ARFGEF3: variants seen among roughly 807,000 people sequenced by gnomAD.
ARFGEF3 encodes the protein ARFGEF family member 3.
ARFGEF3 carries 96 observed loss-of-function variants against 221.7 expected under a neutral mutation model. The ratio of observed to expected loss-of-function variants is 0.43; its 90% CI spans 0.37 to 0.51. The LOEUF is 0.51. ARFGEF3 is among the 20% of genes least tolerant of loss of function. ARFGEF3 has a pLI of 0.00. For missense variants in ARFGEF3, 2,410 were observed against 2,789.9 expected (o/e 0.86, Z 3.07); for synonymous variants, 1,145 against 1,126.8 (o/e 1.02, Z -0.32).
At chr6:138,272,119 A>G (rs951462799) in intron 12 of ARFGEF3, among the ~76,000 whole-genome samples, 2 of 147,240 alleles carry the variant, frequency 1.4e-5, no homozygotes, top group African/African-American at 5.2e-5. Flanking sequence ...TCAGGCAGAG[A>G]TTTATAGCAT....
rs2114452501 is a variant in ARFGEF3 at position 138,183,467 on chromosome 6, T to C, written c.137+12754T>C. Among the ~76,000 whole-genome samples, 3 of 152,282 alleles carry C rather than the reference T, an allele frequency of 2.0e-5. No homozygotes were observed. The South Asian group carries it at 6.2e-4, about 32-fold the overall frequency. ...GCTTGAGATGATTGCCTCGCTGTGT[T>C]CAGTTCTACATGTTAACGTCTGTAT... On this transcript the variant is annotated intron_variant, in intron 2 of 33. Coordinates refer to ENST00000251691, the MANE Select transcript of ARFGEF3 (RefSeq NM_020340.5).
At chr6:138,329,350 A>G (rs1462935548) in intron 32 of ARFGEF3, among the ~76,000 whole-genome samples, 1 of 152,134 alleles carries the variant, frequency 6.6e-6, no homozygotes, top group Non-Finnish European at 1.5e-5. Context: ...ACACAACTGC[A>G]AAGAGGTGGA....
At chr6:138,278,324 TG>T in intron 12 of ARFGEF3, 126 bp from the exon 13 acceptor site, 1 of 858,546 alleles carries the variant, frequency 1.2e-6, no homozygotes, top group East Asian at 2.5e-5. Context: ...CCTGGCTAGC[TG>T]TCAGTGCTAT....
chr6:138,331,872 T>C (rs972015841), intron 32 of ARFGEF3, among the ~76,000 whole-genome samples: 7 of 152,224 alleles, frequency 4.6e-5, no homozygotes, highest in African/African-American at 1.4e-4. Context: ...GAAACTTTGA[T>C]CTCTTCAGTA....
intron 26 of ARFGEF3, among the ~76,000 whole-genome samples, chr6:138,316,254 T>C (rs1389218185): frequency 1.3e-5 from 2 of 152,178 alleles, no homozygotes; most frequent in African/African-American, 2.4e-5. Flanking sequence ...TATGTAGACA[T>C]AGTAAATCAG....
chr6:138,264,666 T>C (rs1208013987), intron 12 of ARFGEF3, among the ~76,000 whole-genome samples: 3 of 152,170 alleles, frequency 2.0e-5, no homozygotes, highest in Non-Finnish European at 2.9e-5. Context: ...CTCCCCTCTC[T>C]AGACTCCCTG....
At chr6:138,191,878 G>A (rs996272407) in intron 2 of ARFGEF3, among the ~76,000 whole-genome samples, 1 of 151,984 alleles carries the variant, frequency 6.6e-6, no homozygotes, top group Non-Finnish European at 1.5e-5. Flanking sequence ...TATTAGAGTG[G>A]AGCCCTTCCT....
chr6:138,189,929 A>T (rs1583002199), intron 2 of ARFGEF3, among the ~76,000 whole-genome samples: 2 of 151,858 alleles, frequency 1.3e-5, no homozygotes, highest in Admixed American at 1.3e-4. Flanking sequence ...ACAACTTTTT[A>T]AAAAATTAGC....
chr6:138,182,742 A>G (rs1158318163), intron 2 of ARFGEF3, among the ~76,000 whole-genome samples: 1 of 152,214 alleles, frequency 6.6e-6, no homozygotes, highest in Non-Finnish European at 1.5e-5. Flanking sequence ...TGCTAACTTG[A>G]CCAAGGGAAG....
chr6:138,290,031 T>C (rs1779371709), intron 18 of ARFGEF3, 63 bp downstream of exon 18: 2 of 1,531,294 alleles, frequency 1.3e-6, no homozygotes, highest in Non-Finnish European at 1.8e-6. Flanking sequence ...TGGAGTGGGC[T>C]GTGGCAGGTG....
At chr6:138,255,121 A>G (rs1778651113) in intron 9 of ARFGEF3, among the ~76,000 whole-genome samples, 2 of 152,358 alleles carry the variant, frequency 1.3e-5, no homozygotes, top group African/African-American at 4.8e-5. Context: ...CAAATGAGAA[A>G]TCATTTTGTT....
chr6:138,323,936 T>G, intron 30 of ARFGEF3, 87 bp from the exon 31 acceptor site: 1 of 1,573,604 alleles, frequency 6.4e-7, no homozygotes, highest in South Asian at 1.2e-5. Context: ...TACTTTTGTC[T>G]CAGACACAGT....
At chr6:138,163,150 A>G (rs146703325) in intron 1 of ARFGEF3, among the ~76,000 whole-genome samples, 208 of 152,336 alleles carry the variant, frequency 1.4e-3, no homozygotes, top group African/African-American at 4.8e-3. Flanking sequence ...CAGGTTTTCC[A>G]CTAAATGTAA....
intron 29 of ARFGEF3, 57 bp from the exon 30 acceptor site, chr6:138,323,614 A>G (rs2114683648): frequency 2.6e-6 from 4 of 1,554,718 alleles, no homozygotes; most frequent in Non-Finnish European, 3.5e-6. Flanking sequence ...TCCATCTGAA[A>G]AAAACAAACA....
chr6:138,238,869 CTT>C, intron 6 of ARFGEF3, among the ~76,000 whole-genome samples: 2 of 152,276 alleles, frequency 1.3e-5, no homozygotes, highest in South Asian at 4.1e-4. Flanking sequence ...TATTTTAAAA[CTT>C]ATTTTTTAAT....
At position 138,275,554 on chromosome 6, in the gene ARFGEF3, G is replaced by A. The variant is rs142429463; in HGVS notation, c.2129-2897G>A. Among the ~76,000 whole-genome samples, 778 of 152,110 alleles carry A rather than the reference G, an allele frequency of 5.1e-3. 8 individuals are homozygous for A. Among genetic ancestry groups the A allele is most frequent in the African/African-American group, 0.018 (744 of 41,510 alleles). ...TCACGAGGTCTTCGAGACCAGCCTG[G>A]CCAACATGGTGAAACCCTGTCTTTA... is the stretch of plus-strand genomic sequence containing the variant. On this transcript the variant is annotated intron_variant, in intron 12 of 33. Transcript: ENST00000251691.
rs192782668 is a variant in ARFGEF3 at position 138,289,351 on chromosome 6, C to G, written c.2897-467C>G. On this transcript the variant is annotated intron_variant, in intron 17 of 33. Transcript: ENST00000251691. ...GTGATAGAGCAGTCATTCTGGTGCT[C>G]AAAATATACGTAAATAAGTTGTTTT... Among the ~76,000 whole-genome samples the G allele has an allele frequency of 1.6e-4, 24 of 152,294 alleles. 1 individual carries two copies. Among genetic ancestry groups the G allele is most frequent in the African/African-American group, 5.8e-4 (24 of 41,540 alleles).
chr6:138,194,027 AT>A (rs1777362508), intron 2 of ARFGEF3, among the ~76,000 whole-genome samples: 1 of 152,062 alleles, frequency 6.6e-6, no homozygotes, highest in Non-Finnish European at 1.5e-5. Flanking sequence ...TAATCCCAGT[AT>A]TTTGGGAAGT....
At chr6:138,330,063 A>T (rs546999184) in intron 32 of ARFGEF3, among the ~76,000 whole-genome samples, 2 of 152,102 alleles carry the variant, frequency 1.3e-5, no homozygotes, top group Non-Finnish European at 2.9e-5. Context: ...AGGAGAAGGA[A>T]TTTCACAAGA....
Sources: allele counts gnomAD v4.1 joint callset (sites outside exome capture counted in the v4.1 genomes callset), GRCh38; gene constraint gnomAD v4.1.1; transcripts MANE v1.5; gene names NCBI Gene and HGNC (gene_info 2026-07-23, HGNC 2026-07-21).